Variants in PIEZO1 observed in about 807,000 individuals in gnomAD.
PIEZO1 encodes piezo-type mechanosensitive ion channel component 1.
In PIEZO1, 296 loss-of-function variants were observed where a neutral mutation model predicts 297.2. The observed-to-expected ratio is 1.00, with a 90% CI of 0.91 to 1.10. The LOEUF is 1.10. PIEZO1 is among the 50% of genes least tolerant of loss of function. The pLI is 0.00. For synonymous variants in PIEZO1, 2,427 were observed against 1,507.5 expected (o/e 1.61, Z -14.13); for missense variants, 5,018 against 3,455.5 (o/e 1.45, Z -11.34).
Position 88,738,554 on chromosome 16 carries a change from G to A in PIEZO1, c.634+14C>T, listed in dbSNP as rs976138257. ...CCCAGTGTGACTGCCAGTGCCCCCT[G>A]CCTCGGTGCGTACCTGCCAGTGCAA... On this transcript the variant is annotated intron_variant, in intron 6 of 50. Coordinates refer to ENST00000301015, the MANE Select transcript of PIEZO1 (RefSeq NM_001142864.4). 2.0e-6 allele frequency: 3 copies of A among 1,532,202 alleles called. No individual in the cohort carries two copies. Among genetic ancestry groups the A allele is most frequent in the Admixed American group, 2.0e-5 (1 of 50,912 alleles). The allele number at this position is 1,532,202 out of a possible 1,614,324, so 94.9% of individuals were successfully genotyped here.
chr16:88,748,502 G>A (rs117412305), intron 2 of PIEZO1, among the ~76,000 whole-genome samples: 6,254 of 93,610 alleles, frequency 0.067, 245 homozygotes, highest in East Asian at 0.14. Flanking sequence ...CCCCCCCCCC[G>A]CACAAGTGGA....
In PIEZO1 at chr16:88,775,466, C is replaced by T. The variant is rs1017158900; in HGVS notation, c.64+9435G>A. ...GGCGGGGGCCCGGCGCAGTGGCTCA[C>T]GCCTGTAATCCCAGCACTTTGGGAG... On this transcript the variant is annotated intron_variant, in intron 1 of 50. Coordinates refer to ENST00000301015, the MANE Select transcript of PIEZO1 (RefSeq NM_001142864.4). 5.9e-5 allele frequency among the ~76,000 whole-genome samples: 9 copies of T among 152,274 alleles called. No homozygotes were observed. In the East Asian group the frequency reaches 1.2e-3, roughly 20 times the overall value.
intron 1 of PIEZO1, among the ~76,000 whole-genome samples, chr16:88,752,941 G>A (rs571243506): frequency 5.9e-5 from 9 of 151,756 alleles, no homozygotes; most frequent in Admixed American, 2.6e-4. Context: ...ACCAGGCAGC[G>A]GGCTTGGTCT....
In PIEZO1 at chr16:88,734,666, C is replaced by T; in HGVS notation, c.1981G>A (p.Gly661Ser). ...TGGACTCACTGCTCGTCGGTGAAGC[C>T]AGTGAGGTTGCGCCAGTAGGCAGGG... ...DFPAYWRNLT[G>S]FTDEQLGDLG... Residue 661 changes from glycine (G) to serine (S), a missense_variant, in exon 15 of 51, where the codon GGC becomes AGC. By Grantham distance (56) the Gly-to-Ser change is moderately conservative (BLOSUM62 0). Coordinates refer to ENST00000301015, the MANE Select transcript of PIEZO1 (RefSeq NM_001142864.4). 6.5e-7 allele frequency: 1 copy of T among 1,550,280 alleles called. No individual in the cohort carries two copies. The highest frequency in any genetic ancestry group is 2.0e-5 in the Admixed American group (1 of 51,008).
At chr16:88,759,502 C>T (rs534969435) in intron 1 of PIEZO1, among the ~76,000 whole-genome samples, 1 of 152,310 alleles carries the variant, frequency 6.6e-6, no homozygotes, top group Admixed American at 6.5e-5. Flanking sequence ...AACCGATAAA[C>T]ACTCCCGTGC....
chr16:88,733,769 C>A (rs532138806), intron 17 of PIEZO1, 24 bp from the exon 18 acceptor site: 6 of 1,508,080 alleles, frequency 4.0e-6, no homozygotes, highest in Admixed American at 4.3e-5. Context: ...AGGGTCAGTG[C>A]GGGGCACAAA....
intron 1 of PIEZO1, among the ~76,000 whole-genome samples, chr16:88,774,508 TCCTGGGCTCCAGAGTCCCCAGCAGCAG>T (rs1461563309): frequency 6.6e-6 from 1 of 152,170 alleles, no homozygotes; most frequent in Non-Finnish European, 1.5e-5. Context: ...GGAGACTCAC[TCCTGGGCTCCAGAGTCCCCAGCAGCAG>T]CCTGGGCACC....
chr16:88,719,040 G>A (rs1195683501), intron 44 of PIEZO1: 1 of 156,026 alleles, frequency 6.4e-6, no homozygotes, highest in Non-Finnish European at 1.4e-5. Flanking sequence ...TGCTGAGGCA[G>A]GGTCTCGCTT....
chr16:88,768,072 GC>G (rs2142895050), intron 1 of PIEZO1, among the ~76,000 whole-genome samples: 1 of 152,332 alleles, frequency 6.6e-6, no homozygotes, highest in Admixed American at 6.5e-5. Flanking sequence ...GGACCCACGA[GC>G]CCCCAAAGCC....
intron 22 of PIEZO1, among the ~76,000 whole-genome samples, chr16:88,728,463 G>A (rs1230978844): frequency 1.3e-5 from 2 of 148,652 alleles, no homozygotes; most frequent in Non-Finnish European, 3.0e-5. Flanking sequence ...GGAACCTCGC[G>A]ACCCAAAAGC....
chr16:88,755,904 G>A (rs1248027372), intron 1 of PIEZO1, among the ~76,000 whole-genome samples: 1 of 152,206 alleles, frequency 6.6e-6, no homozygotes, highest in Non-Finnish European at 1.5e-5. Flanking sequence ...TGAGAAACCG[G>A]GGCCAGGGGG....
In PIEZO1 at chr16:88,723,796, A is replaced by G; in HGVS notation, c.4335+75T>C. On this transcript the variant is annotated intron_variant, in intron 31 of 50. Transcript: ENST00000301015. Reference sequence around the variant, plus strand: ...CTCCCAGGCCCTGGGGGCATCTGACACCCTCTATGCTGCCCTGGTCCAGGA... The same window carrying G: ...CTCCCAGGCCCTGGGGGCATCTGACGCCCTCTATGCTGCCCTGGTCCAGGA... The G allele has an allele frequency of 3.8e-6, 3 of 789,838 alleles. 1 individual carries two copies. 48.9% of individuals were successfully genotyped at this position (789,838 alleles called of 1,614,324 possible). A position where few individuals can be genotyped will look rare whatever the true frequency, so the allele number is the denominator to read the frequency against.
Position 88,720,529 on chromosome 16 carries a change from G to A in PIEZO1, c.5805C>T (p.Ala1935=), listed in dbSNP as rs974059911. 5.8e-6 allele frequency: 9 copies of A among 1,549,762 alleles called. No homozygotes were observed. The highest frequency in any genetic ancestry group is 2.7e-5 in the African/African-American group (2 of 73,020). Residue 1935 remains alanine, a synonymous_variant, in exon 41 of 51, where the codon GCC becomes GCT. Coordinates refer to ENST00000301015, the MANE Select transcript of PIEZO1 (RefSeq NM_001142864.4). ...GCCGTAGCGGCCGATATGTGCCCTGGGCCCTGCGGAAGGGGGCGCTCAGCC... is the reference window on the plus strand; with the variant it reads ...GCCGTAGCGGCCGATATGTGCCCTGAGCCCTGCGGAAGGGGGCGCTCAGCC... ...RRLQGFCLSL[A]QGTYRPLRRF...
In PIEZO1 at chr16:88,722,072, G is replaced by A; in HGVS notation, c.4956-6C>T. The stretch of plus-strand genomic sequence containing the variant: ...GCTCTGGGATGCGCAGGCGCCTACA[G>A]GGAGACCCGCGTGTTTGGGGGAGTC... On this transcript the variant is annotated splice_region_variant and splice_polypyrimidine_tract_variant and intron_variant, in intron 36 of 50. Coordinates refer to ENST00000301015, the MANE Select transcript of PIEZO1 (RefSeq NM_001142864.4). The A allele has an allele frequency of 6.5e-7, 1 of 1,542,360 alleles. No homozygotes were observed. The highest frequency in any genetic ancestry group is 8.7e-7 in the Non-Finnish European group (1 of 1,143,560).
chr16:88,719,750 G>A lies in PIEZO1; in HGVS notation c.6324-29C>T, dbSNP rs1039117127. The A allele has an allele frequency of 2.6e-6, 4 of 1,550,190 alleles. No individual in the cohort carries two copies. In the Admixed American group the frequency reaches 5.9e-5, roughly 23 times the overall value. ...CCCACAGCCAGGGTTCCCGTCAGGTGGGCTCCCTCATGCCCGGGCCGTGAC... is the reference window on the plus strand; with the variant it reads ...CCCACAGCCAGGGTTCCCGTCAGGTAGGCTCCCTCATGCCCGGGCCGTGAC... On this transcript the variant is annotated intron_variant, in intron 43 of 50. Transcript: ENST00000301015.
rs1377283261 is a variant in PIEZO1 at position 88,725,586 on chromosome 16, G to C, written c.4058+9C>G. 1 of 1,542,232 alleles carries C rather than the reference G, an allele frequency of 6.5e-7. No homozygotes were observed. The highest frequency in any genetic ancestry group is 8.8e-7 in the Non-Finnish European group (1 of 1,139,532). ...GGAGCCGGGGAGTCCCCGCCCCAGA[G>C]GCACCTACTGTCTTTTCAGCTGGGC... On this transcript the variant is annotated intron_variant, in intron 28 of 50. Transcript: ENST00000301015.
At position 88,721,171 on chromosome 16, in the gene PIEZO1, G is replaced by A. The variant is rs1053107700; in HGVS notation, c.5663C>T (p.Ala1888Val). ...GTGAGGCAGGGCGCTTATACCGATG[G>A]CTGCCGCTCCTTTCCGTGCTGGGCC... ...KEGPARKGAA[A>V]IEAEDREEEE... Residue 1888 changes from alanine (A) to valine (V), a missense_variant, in exon 39 of 51, where the codon GCC (alanine) becomes GTC (valine). Physicochemically the swap from Ala to Val is moderately conservative, Grantham distance 64 (BLOSUM62 0). Transcript: ENST00000301015. 3 of 1,502,864 alleles carry A rather than the reference G, an allele frequency of 2.0e-6. No homozygotes were observed. The highest frequency in any genetic ancestry group is 1.8e-6 in the Non-Finnish European group (2 of 1,126,944). 93.1% of individuals were successfully genotyped at this position (1,502,864 alleles called of 1,614,324 possible).
intron 1 of PIEZO1, among the ~76,000 whole-genome samples, chr16:88,784,356 G>T (rs369523320): frequency 1.8e-4 from 28 of 152,250 alleles, no homozygotes; most frequent in Non-Finnish European, 3.1e-4. Context: ...CCGGCAGAGG[G>T]GGGTGCAGCG....
chr16:88,757,320 GGGGGGGT>G lies in PIEZO1; in HGVS notation c.65-7848_65-7842del, dbSNP rs200805880. ...TGGGTATGCAGGGGGCGTTGCTGGC[GGGGGGGT>G]GGGGGGTAGTTACCTAACCTGCCTG... On this transcript the variant is annotated intron_variant, in intron 1 of 50. Transcript: ENST00000301015. Among the ~76,000 whole-genome samples, 30 of 44,656 alleles carry G rather than the reference GGGGGGGT, an allele frequency of 6.7e-4. 1 individual carries two copies. Among genetic ancestry groups the G allele is most frequent in the Non-Finnish European group, 5.9e-4 (12 of 20,348 alleles). 29.3% of individuals were successfully genotyped at this position (44,656 alleles called of 152,430 possible).
Sources: allele counts gnomAD v4.1 joint callset (sites outside exome capture counted in the v4.1 genomes callset), GRCh38; gene constraint gnomAD v4.1.1; transcripts MANE v1.5; gene names NCBI Gene and HGNC (gene_info 2026-07-23, HGNC 2026-07-21).